Variants in SNAP29 observed in about 807,000 individuals in gnomAD.
SNAP29 encodes synaptosomal-associated protein 29.
In SNAP29, 13 loss-of-function variants were observed where a neutral mutation model predicts 27.9. The ratio of observed to expected loss-of-function variants is 0.47; its 90% CI spans 0.30 to 0.74. SNAP29 has a LOEUF of 0.74. Ranked by LOEUF, SNAP29 falls within the 30% of genes least tolerant of loss-of-function variation. The pLI is 0.06. For synonymous variants in SNAP29, 119 were observed against 127.1 expected (o/e 0.94, Z 0.43); for missense variants, 368 against 336.5 (o/e 1.09, Z -0.73).
intron 1 of SNAP29, among the ~76,000 whole-genome samples, chr22:20,866,582 C>T (rs1292137829): frequency 2.6e-5 from 4 of 152,104 alleles, no homozygotes; most frequent in South Asian, 2.1e-4. Flanking sequence ...GTGTTGGCTG[C>T]GAGTTGCAGT....
intron 4 of SNAP29, among the ~76,000 whole-genome samples, chr22:20,885,000 C>G (rs1041863010): frequency 2.0e-5 from 3 of 152,176 alleles, no homozygotes; most frequent in African/African-American, 7.2e-5. Flanking sequence ...GTCTCGAACT[C>G]CCGACCTCAG....
chr22:20,859,078 T>G lies in SNAP29; in HGVS notation c.-33T>G. The stretch of plus-strand genomic sequence containing the variant: ...CGGCGGCGGCAGTGGGGCTCCTCCT[T>G]CTGTTTCCCAGACCGAGAGCCGCGC... On this transcript the variant is annotated 5_prime_UTR_variant, in exon 1 of 5. Coordinates refer to ENST00000215730, the MANE Select transcript of SNAP29 (RefSeq NM_004782.4). The G allele has an allele frequency of 6.5e-7, 1 of 1,546,276 alleles. No individual in the cohort carries two copies. Among genetic ancestry groups the G allele is most frequent in the Non-Finnish European group, 8.9e-7 (1 of 1,126,854 alleles).
At chr22:20,878,269 C>T (rs1020050267) in intron 2 of SNAP29, among the ~76,000 whole-genome samples, 1 of 152,060 alleles carries the variant, frequency 6.6e-6, no homozygotes, top group South Asian at 2.1e-4. Context: ...AGGCCGGGCA[C>T]GGTGGCTCAA....
At position 20,869,048 on chromosome 22, in the gene SNAP29, G is replaced by A. The variant is rs372059343; in HGVS notation, c.238-1289G>A. 1.4e-4 allele frequency among the ~76,000 whole-genome samples: 21 copies of A among 152,162 alleles called. No homozygotes were observed. The South Asian group carries it at 2.7e-3, about 20-fold the overall frequency. On this transcript the variant is annotated intron_variant, in intron 1 of 4. Transcript: ENST00000215730. ...TCCCAGCACTTTGGGAGGCCGAGGC[G>A]GGTGGTTCGAGACCAGCCGGGCCAA...
chr22:20,864,474 T>C (rs762672328), intron 1 of SNAP29, among the ~76,000 whole-genome samples: 8 of 152,068 alleles, frequency 5.3e-5, no homozygotes, highest in Non-Finnish European at 1.0e-4. Flanking sequence ...TTAGAGTAGA[T>C]ACATTGCCAA....
intron 4 of SNAP29, among the ~76,000 whole-genome samples, chr22:20,886,525 T>G (rs1929019380): frequency 1.3e-5 from 2 of 151,732 alleles, no homozygotes; most frequent in South Asian, 4.2e-4. Flanking sequence ...GCCAGGATGG[T>G]CTCGATCTCC....
At chr22:20,869,344 G>C (rs1003835087) in intron 1 of SNAP29, among the ~76,000 whole-genome samples, 6 of 152,178 alleles carry the variant, frequency 3.9e-5, no homozygotes, top group South Asian at 2.1e-4. Flanking sequence ...AGGCCTCTCT[G>C]AGAGAGTGGC....
At chr22:20,880,304 C>T (rs1928860108) in intron 2 of SNAP29, among the ~76,000 whole-genome samples, 1 of 152,068 alleles carries the variant, frequency 6.6e-6, no homozygotes, top group African/African-American at 2.4e-5. Flanking sequence ...TAGAGACCAG[C>T]CTGGCCAACA....
At chr22:20,886,683 C>T (rs963597405) in intron 4 of SNAP29, among the ~76,000 whole-genome samples, 4 of 151,892 alleles carry the variant, frequency 2.6e-5, no homozygotes, top group African/African-American at 4.8e-5. Flanking sequence ...TTGATCTCAG[C>T]TTACTGCAAC....
At chr22:20,871,354 G>A (rs927371102) in intron 2 of SNAP29, among the ~76,000 whole-genome samples, 1 of 151,068 alleles carries the variant, frequency 6.6e-6, no homozygotes, top group Non-Finnish European at 1.5e-5. Flanking sequence ...ATGATGGCAC[G>A]TGCCTATATT....
At chr22:20,870,285 C>G (rs1399843800) in intron 1 of SNAP29, 52 bp from the exon 2 acceptor site, 7 of 1,573,144 alleles carry the variant, frequency 4.4e-6, no homozygotes, top group Non-Finnish European at 4.4e-6. Context: ...CTTGACTGCC[C>G]TGGGGGAGAG....
At chr22:20,869,077 GGT>G (rs1928525884) in intron 1 of SNAP29, among the ~76,000 whole-genome samples, 1 of 152,198 alleles carries the variant, frequency 6.6e-6, no homozygotes, top group South Asian at 2.1e-4. Flanking sequence ...GGGCCAACAT[GGT>G]GAAACCCCGT....
At chr22:20,878,011 C>CT (rs1488489294) in intron 2 of SNAP29, among the ~76,000 whole-genome samples, 1 of 152,164 alleles carries the variant, frequency 6.6e-6, no homozygotes, top group Non-Finnish European at 1.5e-5. Context: ...GTGTTAAATC[C>CT]TTCCATTCAC....
At chr22:20,876,026 T>C (rs1928735854) in intron 2 of SNAP29, among the ~76,000 whole-genome samples, 1 of 151,638 alleles carries the variant, frequency 6.6e-6, no homozygotes. Context: ...CCAGGGGTGA[T>C]GGTGGGCACC....
rs917603023 is a variant in SNAP29 at position 20,889,133 on chromosome 22, A to C, written c.*1297A>C. The stretch of plus-strand genomic sequence containing the variant: ...GAAAGTGACTGATTTTAATAATGAG[A>C]TAGGTCACTTAAAATAACAGTGCCT... On this transcript the variant is annotated 3_prime_UTR_variant, in exon 5 of 5. Transcript: ENST00000215730. The C allele has an allele frequency of 2.0e-5, 3 of 152,224 alleles. No homozygotes were observed. The East Asian group carries it at 5.8e-4, about 29-fold the overall frequency. The allele number at this position is 152,224 out of a possible 1,614,324, so 9.4% of individuals were successfully genotyped here. A position where few individuals can be genotyped will look rare whatever the true frequency, so the allele number is the denominator to read the frequency against.
chr22:20,883,124 A>G (rs556885990), intron 3 of SNAP29, among the ~76,000 whole-genome samples: 9 of 152,064 alleles, frequency 5.9e-5, no homozygotes, highest in Non-Finnish European at 1.0e-4. Flanking sequence ...TACTTTGTCC[A>G]CAGACTGTGT....
rs202138036 is a variant in SNAP29, at chr22:20,859,079, C to G, written c.-32C>G. The stretch of plus-strand genomic sequence containing the variant: ...GGCGGCGGCAGTGGGGCTCCTCCTT[C>G]TGTTTCCCAGACCGAGAGCCGCGCC... On this transcript the variant is annotated 5_prime_UTR_variant, in exon 1 of 5. Transcript: ENST00000215730. 1.2e-3 allele frequency: 1,917 copies of G among 1,548,512 alleles called. 25 individuals are homozygous for G. The African/African-American group carries it at 0.023, about 18-fold the overall frequency.
At chr22:20,863,323 C>T (rs893687671) in intron 1 of SNAP29, among the ~76,000 whole-genome samples, 6 of 150,526 alleles carry the variant, frequency 4.0e-5, no homozygotes, top group Non-Finnish European at 7.4e-5. Flanking sequence ...TGCCTGGTTA[C>T]CCCAGCACTG....
chr22:20,879,766 C>G (rs1180608090), intron 2 of SNAP29, among the ~76,000 whole-genome samples: 1 of 150,356 alleles, frequency 6.7e-6, no homozygotes, highest in African/African-American at 2.5e-5. Flanking sequence ...TCACTTGAAC[C>G]CGGGAGGCAG....
Sources: allele counts gnomAD v4.1 joint callset (sites outside exome capture counted in the v4.1 genomes callset), GRCh38; gene constraint gnomAD v4.1.1; transcripts MANE v1.5; gene names NCBI Gene and HGNC (gene_info 2026-07-23, HGNC 2026-07-21).